UCHL5: variants seen among roughly 807,000 people sequenced by gnomAD.
The protein encoded by UCHL5 is ubiquitin carboxyl-terminal hydrolase isozyme L5.
In UCHL5, 34 loss-of-function variants were observed where a neutral mutation model predicts 53.8. The observed-to-expected ratio is 0.63, with a 90% CI of 0.48 to 0.84. UCHL5 has a LOEUF of 0.84. Ranked by LOEUF, UCHL5 falls within the 40% of genes least tolerant of loss-of-function variation. The pLI is 0.00. For synonymous variants in UCHL5, 111 were observed against 126.3 expected, an observed-to-expected ratio of 0.88 and a Z score of 0.81; for missense variants, 290 against 385.6, an observed-to-expected ratio of 0.75 and a Z score of 2.08.
In UCHL5 at chr1:193,059,306, C is replaced by T. The variant is rs1281153509; in HGVS notation, c.-46G>A. On this transcript the variant is annotated 5_prime_UTR_variant, in exon 1 of 11. Transcript: ENST00000367454. This position sits in a 1 kb window ranked among gnomAD's most constrained non-coding sequence, Gnocchi z 4.9. ...CCGATCCACCTCTCGCTCTCAGCTG[C>T]CCCCCGCACCAGCTGCCGCCGGCCA... 3.1e-6 allele frequency: 5 copies of T among 1,609,728 alleles called. No homozygotes were observed. Among genetic ancestry groups the T allele is most frequent in the East Asian group, 4.5e-5 (2 of 44,796 alleles).
chr1:193,035,989 A>G (rs535553672), intron 3 of UCHL5, among the ~76,000 whole-genome samples: 3 of 152,124 alleles, frequency 2.0e-5, no homozygotes, highest in Non-Finnish European at 4.4e-5. Flanking sequence ...AAAACCTGTA[A>G]TAGATTCACT....
At position 193,059,301 on chromosome 1, in the gene UCHL5, A is replaced by T; in HGVS notation, c.-41T>A. The T allele has an allele frequency of 1.2e-6, 2 of 1,611,024 alleles. No individual in the cohort carries two copies. The highest frequency in any genetic ancestry group is 1.1e-5 in the South Asian group (1 of 90,686). On this transcript the variant is annotated 5_prime_UTR_variant, in exon 1 of 11. Transcript: ENST00000367454. The surrounding 1 kb of genome is among the most constrained non-coding windows in gnomAD (Gnocchi z 4.9). ...CCGCCCCGATCCACCTCTCGCTCTC[A>T]GCTGCCCCCCGCACCAGCTGCCGCC... is the stretch of plus-strand genomic sequence containing the variant.
At chr1:193,050,253 T>C in intron 2 of UCHL5, among the ~76,000 whole-genome samples, 1 of 152,216 alleles carries the variant, frequency 6.6e-6, no homozygotes, top group African/African-American at 2.4e-5. Context: ...GGAAGTAACC[T>C]TCATATATTA....
intron 9 of UCHL5, among the ~76,000 whole-genome samples, chr1:193,021,496 T>C (rs1656992165): frequency 6.6e-6 from 1 of 152,182 alleles, no homozygotes; most frequent in Admixed American, 6.6e-5. Context: ...CAAGCTAAAT[T>C]AACATTTGCT....
At position 193,030,719 on chromosome 1, in the gene UCHL5, G is replaced by A. The variant is rs537173747; in HGVS notation, c.247-1062C>T. Among the ~76,000 whole-genome samples, 11 of 152,160 alleles carry A rather than the reference G, an allele frequency of 7.2e-5. No homozygotes were observed. In the South Asian group the frequency reaches 2.3e-3, roughly 32 times the overall value. ...AATTAGCTTATGATTTTACATTTTA[G>A]TAAATTATCTATTTTTATCCTGCCT... is the stretch of plus-strand genomic sequence containing the variant. On this transcript the variant is annotated intron_variant, in intron 3 of 10. Transcript: ENST00000367454.
chr1:193,060,063 C>A, upstream of UCHL5: 1 of 1,318,872 alleles, frequency 7.6e-7, no homozygotes, highest in South Asian at 1.2e-5. Context: ...TCCCCACAGG[C>A]CGACGTCGAG....
intron 7 of UCHL5, chr1:193,027,732 C>T (rs1659847012): frequency 3.0e-6 from 1 of 330,468 alleles, no homozygotes; most frequent in Non-Finnish European, 5.6e-6. Flanking sequence ...TAATGGAAAT[C>T]TGCATGTTTA....
chr1:193,055,861 TTGTC>T (rs1571963718), intron 1 of UCHL5, among the ~76,000 whole-genome samples: 1 of 152,208 alleles, frequency 6.6e-6, no homozygotes, highest in African/African-American at 2.4e-5. Context: ...AGTAATATCT[TTGTC>T]TGGTTTGGTG....
At chr1:193,027,889 G>C (rs183378056) in intron 7 of UCHL5, 196 bp downstream of exon 7, 17 of 1,470,416 alleles carry the variant, frequency 1.2e-5, no homozygotes, top group Non-Finnish European at 1.4e-5. Flanking sequence ...TTGGGAGGTC[G>C]AGGCAGGCGG....
chr1:193,051,314 T>A (rs1571907944), intron 2 of UCHL5, among the ~76,000 whole-genome samples: 2 of 152,154 alleles, frequency 1.3e-5, no homozygotes, highest in Admixed American at 6.5e-5. Context: ...ACTTTAAATA[T>A]AACTTTCCCA....
rs200951342 is a variant in UCHL5, at chr1:193,043,151, T to TA, written c.246+6594dup. Reference sequence around the variant, plus strand: ...TGGAGCCTTGACAGCTCTTGAATATTAAAAAAAAAAAAAAAAAAAAAAAAA... The same window carrying TA: ...TGGAGCCTTGACAGCTCTTGAATATTAAAAAAAAAAAAAAAAAAAAAAAAAA... On this transcript the variant is annotated intron_variant, in intron 3 of 10. Coordinates refer to ENST00000367454, the MANE Select transcript of UCHL5 (RefSeq NM_001199261.3). 8.6e-3 allele frequency among the ~76,000 whole-genome samples: 314 copies of TA among 36,376 alleles called. 7 individuals are homozygous for TA. Among genetic ancestry groups the TA allele is most frequent in the South Asian group, 0.034 (22 of 650 alleles). The allele number at this position is 36,376 out of a possible 152,430, so 23.9% of individuals were successfully genotyped here.
chr1:193,024,137 G>A (rs1305369941), intron 7 of UCHL5, among the ~76,000 whole-genome samples, 191 bp from the exon 8 acceptor site: 1 of 152,038 alleles, frequency 6.6e-6, no homozygotes, highest in Non-Finnish European at 1.5e-5. Flanking sequence ...CTACTTGGGA[G>A]GCTCAGGAGC....
chr1:193,018,789 T>C (rs757224373), intron 10 of UCHL5: 2 of 1,554,190 alleles, frequency 1.3e-6, no homozygotes, highest in East Asian at 4.7e-5. Context: ...CTTCTATTCC[T>C]TCTCACACCT....
intron 3 of UCHL5, among the ~76,000 whole-genome samples, chr1:193,033,163 G>T (rs1662093815): frequency 6.6e-6 from 1 of 152,166 alleles, no homozygotes; most frequent in South Asian, 2.1e-4. Context: ...AAAAGGAAAT[G>T]TGGCACATAT....
chr1:193,044,579 T>A (rs1666773563), intron 3 of UCHL5, among the ~76,000 whole-genome samples: 1 of 151,990 alleles, frequency 6.6e-6, no homozygotes, highest in South Asian at 2.1e-4. Flanking sequence ...TGAATTAGAG[T>A]ATATGATCAG....
chr1:193,031,354 G>T (rs1001975470), intron 3 of UCHL5, among the ~76,000 whole-genome samples: 1 of 152,014 alleles, frequency 6.6e-6, no homozygotes, highest in Non-Finnish European at 1.5e-5. Flanking sequence ...GTGAGGCTAC[G>T]GCAGAAAAGA....
Position 193,029,423 on chromosome 1 carries a change from T to G in UCHL5, c.399A>C (p.Ser133=), listed in dbSNP as rs1299648403. ...AAMKGLALSN[S]DVIRQVHNSF... Reference sequence around the variant, plus strand: ...TGTTGTGTACTTGTCGAATCACATCTGAATTGCTCAGTGCCAAGCCTTTCA... The same window carrying G: ...TGTTGTGTACTTGTCGAATCACATCGGAATTGCTCAGTGCCAAGCCTTTCA... Residue 133 remains serine (S), a synonymous_variant, in exon 5 of 11, where the codon TCA becomes TCC. Transcript: ENST00000367454. 1.1e-5 allele frequency: 17 copies of G among 1,613,688 alleles called. No homozygotes were observed. The highest frequency in any genetic ancestry group is 1.4e-5 in the Non-Finnish European group (16 of 1,179,874).
chr1:193,027,931 TG>T (rs777613547), intron 7 of UCHL5, 153 bp downstream of exon 7: 1 of 1,475,440 alleles, frequency 6.8e-7, no homozygotes, highest in Non-Finnish European at 9.0e-7. Flanking sequence ...GAGACCAGCC[TG>T]GGCAACATGG....
At chr1:193,043,151 T>TAAAAAAAAAA (rs200951342) in intron 3 of UCHL5, among the ~76,000 whole-genome samples, 22 of 36,372 alleles carry the variant, frequency 6.0e-4, no homozygotes, top group African/African-American at 1.6e-3. Flanking sequence ...TCTTGAATAT[T>TAAAAAAAAAA]AAAAAAAAAA....
Sources: gnomAD v4.1 joint callset for allele counts (sites outside exome capture counted in the v4.1 genomes callset) on GRCh38, gnomAD v4.1.1 for gene constraint, Gnocchi (gnomAD v3.1) non-coding constraint, MANE v1.5 for transcripts, NCBI Gene and HGNC (gene_info 2026-07-23, HGNC 2026-07-21) for gene names.